The following CRIPT variants were observed in gnomAD, a reference collection of about 807,000 sequenced individuals.
CRIPT encodes the protein CXXC repeat containing interactor of PDZ3 domain, also known as cysteine-rich PDZ-binding protein.
CRIPT carries 20 observed loss-of-function variants against 16.6 expected under a neutral mutation model. That is an observed-to-expected ratio of 1.20 (90% confidence interval 0.85 to 1.75). The LOEUF (loss-of-function observed/expected upper bound fraction) is 1.75. CRIPT is among the 40% of genes most tolerant of loss of function. The probability of loss-of-function intolerance (pLI) is 0.00; values close to 1 mark genes in which losing one functional copy is unlikely to be tolerated. For synonymous variants in CRIPT, 42 were observed against 37.0 expected (o/e 1.14, Z -0.49); for missense variants, 133 against 115.3 (o/e 1.15, Z -0.70).
intron 3 of CRIPT, 41 bp from the exon 4 acceptor site, chr2:46,623,723 A>G (rs1395600026): frequency 9.2e-7 from 1 of 1,088,442 alleles, no homozygotes; most frequent in Non-Finnish European, 1.4e-6. Context: ...GAGTGTTTCT[A>G]GTGTAATATA....
intron 3 of CRIPT, 68 bp downstream of exon 3, chr2:46,619,749 A>C: frequency 8.4e-7 from 1 of 1,189,318 alleles, no homozygotes; most frequent in Non-Finnish European, 1.2e-6. Flanking sequence ...TGCTGGAGTG[A>C]ATTTGATGTG....
chr2:46,619,258 C>T (rs1670746099), intron 2 of CRIPT, among the ~76,000 whole-genome samples: 3 of 151,946 alleles, frequency 2.0e-5, no homozygotes, highest in African/African-American at 7.2e-5. Flanking sequence ...TATTTACCTT[C>T]ATTATTATTA....
intron 3 of CRIPT, among the ~76,000 whole-genome samples, chr2:46,620,933 T>C (rs900882508): frequency 6.6e-6 from 1 of 151,970 alleles, no homozygotes; most frequent in African/African-American, 2.4e-5. Context: ...CACTGAGTCC[T>C]CCCTTTCCCC....
At chr2:46,620,450 GA>G (rs1242856946) in intron 3 of CRIPT, among the ~76,000 whole-genome samples, 3 of 151,752 alleles carry the variant, frequency 2.0e-5, no homozygotes, top group East Asian at 1.9e-4. Flanking sequence ...GTCTCTTTCA[GA>G]AAAAAAATTT....
At chr2:46,621,660 A>G (rs1218964244) in intron 3 of CRIPT, among the ~76,000 whole-genome samples, 1 of 152,230 alleles carries the variant, frequency 6.6e-6, no homozygotes, top group East Asian at 1.9e-4. Flanking sequence ...AGAACAGTAA[A>G]TACCATGTAA....
intron 1 of CRIPT, among the ~76,000 whole-genome samples, chr2:46,618,543 C>G (rs1670725128): frequency 6.6e-6 from 1 of 152,176 alleles, no homozygotes; most frequent in Admixed American, 6.5e-5. Context: ...TATAAACCAA[C>G]AGTGAAAGCT....
rs925008786 is a variant in CRIPT at position 46,627,904 on chromosome 2, A to G, written c.*3677A>G. Among the ~76,000 whole-genome samples, 10 of 152,164 alleles carry G rather than the reference A, an allele frequency of 6.6e-5. No homozygotes were observed. Among genetic ancestry groups the G allele is most frequent in the African/African-American group, 2.2e-4 (9 of 41,432 alleles). The stretch of plus-strand genomic sequence containing the variant: ...TGCTTATTTTTGTTAACTTTGTCAA[A>G]GGTCAGATGGCTGTAGGTGTGTAGC... On this transcript the variant is annotated 3_prime_UTR_variant, in exon 5 of 5. Coordinates refer to ENST00000238892, the MANE Select transcript of CRIPT (RefSeq NM_014171.6).
In CRIPT at chr2:46,626,511, A is replaced by T. The variant is rs557552664; in HGVS notation, c.*2284A>T. Among the ~76,000 whole-genome samples, 4 of 152,326 alleles carry T rather than the reference A, an allele frequency of 2.6e-5. No individual in the cohort carries two copies. The East Asian group carries it at 7.7e-4, about 29-fold the overall frequency. On this transcript the variant is annotated 3_prime_UTR_variant, in exon 5 of 5. Coordinates refer to ENST00000238892, the MANE Select transcript of CRIPT (RefSeq NM_014171.6). ...TTTTAACTTCTTTGAGAAATCTCCA[A>T]ACTGCTTTCACAGTGGCTGAACTAA...
rs1352569144 is a variant in CRIPT, at chr2:46,624,888, AT to A, written c.*663del. ...GAAAAACATATTACTTTGAATTCAAATTGTCATGAAAACCAGAACAGTGTTT... is the reference window on the plus strand; with the variant it reads ...GAAAAACATATTACTTTGAATTCAAATGTCATGAAAACCAGAACAGTGTTT... On this transcript the variant is annotated 3_prime_UTR_variant, in exon 5 of 5. Transcript: ENST00000238892. 3 of 152,022 alleles carry A rather than the reference AT, an allele frequency of 2.0e-5. No individual in the cohort carries two copies. The highest frequency in any genetic ancestry group is 7.3e-5 in the African/African-American group (3 of 41,370). 9.4% of individuals were successfully genotyped at this position (152,022 alleles called of 1,614,324 possible).
In CRIPT at chr2:46,617,238, C is replaced by A. The variant is rs1165629190; in HGVS notation, c.-45C>A. On this transcript the variant is annotated 5_prime_UTR_variant, in exon 1 of 5. It adds an upstream start codon to the 5' untranslated region. Transcript: ENST00000238892. ...TTGTAGTGTTGTTGTTTTCAGCCTGCTGCTGCTGCTGCTGTTGCGGCTAGG... is the reference window on the plus strand; with the variant it reads ...TTGTAGTGTTGTTGTTTTCAGCCTGATGCTGCTGCTGCTGTTGCGGCTAGG... 1.3e-6 allele frequency: 2 copies of A among 1,550,572 alleles called. No homozygotes were observed. The highest frequency in any genetic ancestry group is 2.4e-5 in the East Asian group (1 of 41,260).
At chr2:46,619,406 C>T (rs559484352) in intron 2 of CRIPT, among the ~76,000 whole-genome samples, 2 of 151,712 alleles carry the variant, frequency 1.3e-5, no homozygotes, top group South Asian at 2.1e-4. Flanking sequence ...TAAAGTACTC[C>T]CTTGAGTCTG....
rs921539584 is a variant in CRIPT at position 46,627,435 on chromosome 2, T to G, written c.*3208T>G. Reference sequence around the variant, plus strand: ...ACTCTTATAGCTTGAAGTCTTACATTTAAATCTTTTTTTTTTTTTTTCCCC... The same window carrying G: ...ACTCTTATAGCTTGAAGTCTTACATGTAAATCTTTTTTTTTTTTTTTCCCC... On this transcript the variant is annotated 3_prime_UTR_variant, in exon 5 of 5. Transcript: ENST00000238892. Among the ~76,000 whole-genome samples, 9 of 151,730 alleles carry G rather than the reference T, an allele frequency of 5.9e-5. No individual in the cohort carries two copies. The highest frequency in any genetic ancestry group is 2.2e-4 in the African/African-American group (9 of 41,354).
At chr2:46,623,339 C>G (rs1485489904) in intron 3 of CRIPT, among the ~76,000 whole-genome samples, 1 of 152,076 alleles carries the variant, frequency 6.6e-6, no homozygotes, top group Non-Finnish European at 1.5e-5. Flanking sequence ...TAGTGATTTT[C>G]CCCCAGTTTT....
chr2:46,626,338 A>G lies in CRIPT; in HGVS notation c.*2111A>G, dbSNP rs116219953. 1.9e-3 allele frequency among the ~76,000 whole-genome samples: 289 copies of G among 152,262 alleles called. 1 individual carries two copies. Among genetic ancestry groups the G allele is most frequent in the African/African-American group, 6.5e-3 (272 of 41,552 alleles). On this transcript the variant is annotated 3_prime_UTR_variant, in exon 5 of 5. Coordinates refer to ENST00000238892, the MANE Select transcript of CRIPT (RefSeq NM_014171.6). Reference sequence around the variant, plus strand: ...AATTTTCTTTATCCAGTCCACTATTAATGAGCATCTAGGTTGATTCTGTGT... The same window carrying G: ...AATTTTCTTTATCCAGTCCACTATTGATGAGCATCTAGGTTGATTCTGTGT...
chr2:46,625,519 A>T lies in CRIPT; in HGVS notation c.*1292A>T, dbSNP rs1006691530. ...ACCAAAAAAGCATTCCCTATTTCCA[A>T]CTGCAGTATGTATAAATACATATCA... is the stretch of plus-strand genomic sequence containing the variant. On this transcript the variant is annotated 3_prime_UTR_variant, in exon 5 of 5. Transcript: ENST00000238892. 1.3e-5 allele frequency: 2 copies of T among 151,452 alleles called. No individual in the cohort carries two copies. Among genetic ancestry groups the T allele is most frequent in the Non-Finnish European group, 2.9e-5 (2 of 67,926 alleles). The allele number at this position is 151,452 out of a possible 1,614,324, so 9.4% of individuals were successfully genotyped here.
In CRIPT at chr2:46,625,157, C is replaced by T. The variant is rs2104177769; in HGVS notation, c.*930C>T. ...GTATCATCAGGCTCTCTGCAGCCTC[C>T]ATCTGCTGGGCTCAAGCAATTCTTC... On this transcript the variant is annotated 3_prime_UTR_variant, in exon 5 of 5. Coordinates refer to ENST00000238892, the MANE Select transcript of CRIPT (RefSeq NM_014171.6). The T allele has an allele frequency of 6.7e-6, 1 of 150,306 alleles. No individual in the cohort carries two copies. Among genetic ancestry groups the T allele is most frequent in the South Asian group, 2.1e-4 (1 of 4,754 alleles). 9.3% of individuals were successfully genotyped at this position (150,306 alleles called of 1,614,324 possible).
At position 46,628,640 on chromosome 2, in the gene CRIPT, A is replaced by G. The variant is rs1301197559; in HGVS notation, c.*4413A>G. Among the ~76,000 whole-genome samples the G allele has an allele frequency of 6.6e-6, 1 of 152,200 alleles. No homozygotes were observed. On this transcript the variant is annotated 3_prime_UTR_variant, in exon 5 of 5. Transcript: ENST00000238892. ...TACTTTGAGTAGCCTCCTTCCATGA[A>G]TGGATCATCCAGTGGCCGCACTTAG...
In CRIPT at chr2:46,627,975, A is replaced by G. The variant is rs1670979446; in HGVS notation, c.*3748A>G. On this transcript the variant is annotated 3_prime_UTR_variant, in exon 5 of 5. Transcript: ENST00000238892. ...TCCATTGGTCTATGGGTCTGTTTTTATATCTGTACCATGCTGTTTTGGTTA... is the reference window on the plus strand; with the variant it reads ...TCCATTGGTCTATGGGTCTGTTTTTGTATCTGTACCATGCTGTTTTGGTTA... Among the ~76,000 whole-genome samples, 1 of 151,908 alleles carries G rather than the reference A, an allele frequency of 6.6e-6. No homozygotes were observed. The highest frequency in any genetic ancestry group is 1.5e-5 in the Non-Finnish European group (1 of 67,978).
At chr2:46,621,091 C>G (rs1449251614) in intron 3 of CRIPT, among the ~76,000 whole-genome samples, 2 of 152,194 alleles carry the variant, frequency 1.3e-5, no homozygotes, top group Non-Finnish European at 2.9e-5. Flanking sequence ...AACTATTGAA[C>G]TATCTTCCTG....
Sources: allele counts gnomAD v4.1 joint callset (sites outside exome capture counted in the v4.1 genomes callset), GRCh38; gene constraint gnomAD v4.1.1; transcripts MANE v1.5; gene names NCBI Gene and HGNC (gene_info 2026-07-23, HGNC 2026-07-21).